Variants in RBFOX1 observed in about 807,000 individuals in gnomAD.
RBFOX1 encodes RNA binding protein fox-1 homolog 1.
RBFOX1 carries 8 observed loss-of-function variants against 57.7 expected under a neutral mutation model. The ratio of observed to expected loss-of-function variants is 0.14; its 90% CI spans 0.08 to 0.25. The LOEUF (loss-of-function observed/expected upper bound fraction) is 0.25, where lower values mean the gene tolerates loss of function less well. RBFOX1 is among the 10% of genes least tolerant of loss of function. The pLI is 1.00. For synonymous variants in RBFOX1, 326 were observed against 222.4 expected, an observed-to-expected ratio of 1.47 and a Z score of -4.15; for missense variants, 611 against 548.5, an observed-to-expected ratio of 1.11 and a Z score of -1.14.
chr16:6,578,335 G>A (rs191977766), intron 2 of RBFOX1, among the ~76,000 whole-genome samples: 3 of 152,152 alleles, frequency 2.0e-5, no homozygotes, highest in African/African-American at 4.8e-5. Flanking sequence ...GGAAGTTAGC[G>A]AAGCAATGTC....
At chr16:6,548,835 G>C (rs2096931041) in intron 2 of RBFOX1, among the ~76,000 whole-genome samples, 1 of 152,032 alleles carries the variant, frequency 6.6e-6, no homozygotes, top group East Asian at 2.0e-4. Flanking sequence ...TAGCACTTTG[G>C]GAGGCCAAGG....
At chr16:6,699,781 A>C (rs1244532035) in intron 3 of RBFOX1, among the ~76,000 whole-genome samples, 3 of 152,196 alleles carry the variant, frequency 2.0e-5, no homozygotes. Flanking sequence ...GCATAAGGAC[A>C]TGAACACATG....
intron 5 of RBFOX1, among the ~76,000 whole-genome samples, chr16:7,544,567 C>G (rs1036982113): frequency 1.3e-5 from 2 of 152,062 alleles, no homozygotes; most frequent in Non-Finnish European, 2.9e-5. Flanking sequence ...ACCAGGGACA[C>G]CAAGGATTGC....
At chr16:6,528,414 T>A (rs1000899914) in intron 2 of RBFOX1, among the ~76,000 whole-genome samples, 3 of 152,192 alleles carry the variant, frequency 2.0e-5, no homozygotes, top group Admixed American at 2.0e-4. Flanking sequence ...GCACAGTCAT[T>A]GCAGAGCCAA....
At chr16:7,280,773 T>C (rs12709196) in intron 4 of RBFOX1, among the ~76,000 whole-genome samples, 38,353 of 151,948 alleles carry the variant, frequency 0.25, 4,908 homozygotes, top group Middle Eastern at 0.35. Context: ...CCTTTCCCCA[T>C]GAGACACTAG....
chr16:7,452,251 A>G (rs2098873203), intron 4 of RBFOX1, among the ~76,000 whole-genome samples: 1 of 152,244 alleles, frequency 6.6e-6, no homozygotes, highest in Non-Finnish European at 1.5e-5. Flanking sequence ...GCACTTTAGT[A>G]ATAGTCTATT....
chr16:7,321,059 C>G lies in RBFOX1; in HGVS notation c.28-197088C>G, dbSNP rs550923401. Among the ~76,000 whole-genome samples the G allele has an allele frequency of 7.6e-3, 773 of 101,940 alleles. 8 individuals carry two copies. The highest frequency in any genetic ancestry group is 0.026 in the African/African-American group (734 of 27,888). 66.9% of individuals were successfully genotyped at this position (101,940 alleles called of 152,430 possible). The stretch of plus-strand genomic sequence containing the variant: ...ACTGGAGACCAGAGAAATTATCTAT[C>G]TATCTGTCTATCTATACGTATACAT... On this transcript the variant is annotated intron_variant, in intron 4 of 15. Transcript: ENST00000550418.
At chr16:5,508,700 A>G (rs541942655) in intron 2 of RBFOX1, among the ~76,000 whole-genome samples, 1 of 152,192 alleles carries the variant, frequency 6.6e-6, no homozygotes, top group Non-Finnish European at 1.5e-5. Context: ...GCGATTGCAC[A>G]GAGTGCCATA....
At chr16:6,122,826 G>GTGTT (rs1467099491) in intron 1 of RBFOX1, among the ~76,000 whole-genome samples, 1 of 151,854 alleles carries the variant, frequency 6.6e-6, no homozygotes, top group Non-Finnish European at 1.5e-5. Context: ...GTGTGTGTGT[G>GTGTT]TGTGTATAAA....
At chr16:7,087,184 T>C (rs547770300) in intron 4 of RBFOX1, among the ~76,000 whole-genome samples, 23 of 152,302 alleles carry the variant, frequency 1.5e-4, no homozygotes, top group East Asian at 7.7e-4. Context: ...GCTGCACATG[T>C]TCTTTTCTCT....
chr16:6,480,302 C>A (rs1439962272), intron 2 of RBFOX1, among the ~76,000 whole-genome samples: 1 of 152,088 alleles, frequency 6.6e-6, no homozygotes, highest in Non-Finnish European at 1.5e-5. Flanking sequence ...ATGTTATATG[C>A]ATGTAAAGGG....
intron 1 of RBFOX1, among the ~76,000 whole-genome samples, chr16:5,369,149 G>A (rs1485055930): frequency 1.3e-5 from 2 of 152,090 alleles, no homozygotes; most frequent in Admixed American, 6.6e-5. Context: ...TTACAAACAT[G>A]TGCCACCATG....
At chr16:5,958,003 ACT>A (rs2059679525) in intron 4 of RBFOX1, among the ~76,000 whole-genome samples, 1 of 151,230 alleles carries the variant, frequency 6.6e-6, no homozygotes, top group Admixed American at 6.6e-5. Flanking sequence ...TTATCCTTCT[ACT>A]CTCTATGTCC....
intron 2 of RBFOX1, among the ~76,000 whole-genome samples, chr16:6,363,015 C>T (rs2088882928): frequency 6.6e-6 from 1 of 152,164 alleles, no homozygotes; most frequent in African/African-American, 2.4e-5. Flanking sequence ...TTACTTGGGT[C>T]TTCAAAGCAG....
intron 4 of RBFOX1, among the ~76,000 whole-genome samples, chr16:7,376,695 A>T (rs914536838): frequency 2.0e-5 from 3 of 152,020 alleles, no homozygotes; most frequent in Admixed American, 6.6e-5. Context: ...CAGCAGAGGA[A>T]TTTTTTTTCC....
At chr16:7,216,852 T>C (rs1302939758) in intron 4 of RBFOX1, among the ~76,000 whole-genome samples, 1 of 152,198 alleles carries the variant, frequency 6.6e-6, no homozygotes, top group Admixed American at 6.5e-5. Context: ...TACCAAGTTC[T>C]AGTCATTTAT....
At chr16:7,015,707 C>T (rs1377108057) in intron 3 of RBFOX1, among the ~76,000 whole-genome samples, 3 of 152,040 alleles carry the variant, frequency 2.0e-5, no homozygotes, top group African/African-American at 7.2e-5. Context: ...TAGTTATTCA[C>T]ATTTCTATTA....
intron 4 of RBFOX1, among the ~76,000 whole-genome samples, chr16:5,892,784 G>A (rs1051965119): frequency 6.6e-6 from 1 of 152,188 alleles, no homozygotes. Flanking sequence ...ATGTGCAAAG[G>A]CCAAGTAGTA....
chr16:7,008,425 A>G (rs1011766839), intron 3 of RBFOX1, among the ~76,000 whole-genome samples: 15 of 151,912 alleles, frequency 9.9e-5, no homozygotes, highest in African/African-American at 3.1e-4. Context: ...CTGTAATTCC[A>G]GACACTCAGA....
Sources: gnomAD v4.1 joint callset for allele counts (sites outside exome capture counted in the v4.1 genomes callset) on GRCh38, gnomAD v4.1.1 for gene constraint, MANE v1.5 for transcripts, NCBI Gene and HGNC (gene_info 2026-07-23, HGNC 2026-07-21) for gene names.